Variants in PIK3CD observed in about 807,000 individuals in gnomAD.
PIK3CD encodes phosphatidylinositol-4,5-bisphosphate 3-kinase catalytic subunit delta, also known as phosphatidylinositol 4,5-bisphosphate 3-kinase catalytic subunit delta isoform.
A neutral mutation model predicts 122.9 loss-of-function variants in PIK3CD; 20 were observed. That is an observed-to-expected ratio of 0.16 (90% CI 0.11 to 0.24). PIK3CD has a LOEUF of 0.24. Ranked by LOEUF, PIK3CD falls within the 10% of genes least tolerant of loss-of-function variation. The pLI is 1.00. For missense variants in PIK3CD, 787 were observed against 1,406.3 expected (o/e 0.56, Z 7.04); for synonymous variants, 596 against 593.4 (o/e 1.00, Z -0.06).
Position 9,727,360 on chromosome 1 carries a change from C to T in PIK3CD, c.*314C>T, listed in dbSNP as rs1649821514. On this transcript the variant is annotated 3_prime_UTR_variant, in exon 24 of 24. Coordinates refer to ENST00000377346, the MANE Select transcript of PIK3CD (RefSeq NM_005026.5). The stretch of plus-strand genomic sequence containing the variant: ...GGCCCAGCAAAGACTGTTCTCCTCC[C>T]GAGGGAACCTTCTTCCCAGGCCTCC... 2.8e-5 allele frequency: 13 copies of T among 459,890 alleles called. 1 individual carries two copies. Among genetic ancestry groups the T allele is most frequent in the South Asian group, 2.1e-4 (10 of 47,346 alleles). 28.5% of individuals were successfully genotyped at this position (459,890 alleles called of 1,614,324 possible).
At chr1:9,632,787 C>T in the PIK3CD span, among the ~76,000 whole-genome samples, 1 of 151,958 alleles carries the variant, frequency 6.6e-6, no homozygotes, top group Non-Finnish European at 1.5e-5. Flanking sequence ...TCTAGAGCCT[C>T]TCAGACCCAC....
intron 16 of PIK3CD, 22 bp downstream of exon 16, chr1:9,721,882 G>A (rs1292182816): frequency 3.7e-6 from 6 of 1,612,200 alleles, no homozygotes; most frequent in Non-Finnish European, 5.1e-6. Context: ...GGCCCTGGGG[G>A]GCGGGCAGGG....
At chr1:9,671,124 A>G (rs1570130290) in intron 1 of PIK3CD, among the ~76,000 whole-genome samples, 1 of 140,632 alleles carries the variant, frequency 7.1e-6, no homozygotes, top group Non-Finnish European at 1.6e-5. Flanking sequence ...TTTTGAGATA[A>G]AGTCTCACTC....
intron 2 of PIK3CD, among the ~76,000 whole-genome samples, chr1:9,703,984 A>T (rs1270928796): frequency 6.6e-6 from 1 of 152,170 alleles, no homozygotes; most frequent in Non-Finnish European, 1.5e-5. Context: ...TTCTTGGGGC[A>T]TTTCTGAAGT....
Position 9,724,725 on chromosome 1 carries a change from G to A in PIK3CD, c.2865-79G>A. The A allele has an allele frequency of 6.4e-6, 10 of 1,573,636 alleles. No individual in the cohort carries two copies. Among genetic ancestry groups the A allele is most frequent in the Non-Finnish European group, 7.9e-6 (9 of 1,145,658 alleles). On this transcript the variant is annotated intron_variant, in intron 22 of 23. Transcript: ENST00000377346. This position sits in a 1 kb window ranked among gnomAD's most constrained non-coding sequence, Gnocchi z 7.3. ...AAGGGCAGGTGTCCTTGGGGAAGGG[G>A]CTGGTTGGATGCAGAGCGGCCCTCT...
intron 3 of PIK3CD, among the ~76,000 whole-genome samples, chr1:9,712,628 C>T (rs924431112): frequency 3.3e-5 from 5 of 152,150 alleles, no homozygotes; most frequent in Admixed American, 6.6e-5. Context: ...GGAAAAAATA[C>T]GAAAGAAGTA....
chr1:9,726,466 G>A (rs374478974), intron 23 of PIK3CD, among the ~76,000 whole-genome samples: 3 of 152,304 alleles, frequency 2.0e-5, no homozygotes, highest in African/African-American at 7.2e-5. Flanking sequence ...CCGAGATCAT[G>A]CCCCTGCACT....
intron 1 of PIK3CD, among the ~76,000 whole-genome samples, chr1:9,655,395 G>A (rs1243237949): frequency 6.6e-6 from 1 of 151,804 alleles, no homozygotes; most frequent in Admixed American, 6.6e-5. Context: ...AATCATAGCA[G>A]AAATGCTGCC....
chr1:9,672,594 T>A (rs1451372657), intron 1 of PIK3CD: 2 of 152,128 alleles, frequency 1.3e-5, no homozygotes, highest in Non-Finnish European at 2.9e-5. Context: ...CAGCTAATTT[T>A]TTTCATTTTC....
At chr1:9,670,995 T>C (rs1645305024) in intron 1 of PIK3CD, among the ~76,000 whole-genome samples, 3 of 152,088 alleles carry the variant, frequency 2.0e-5, no homozygotes, top group Admixed American at 2.0e-4. Context: ...TTACCTCAAG[T>C]GATCTGCCCG....
chr1:9,627,973 C>T, the PIK3CD span, among the ~76,000 whole-genome samples: 1 of 152,192 alleles, frequency 6.6e-6, no homozygotes, highest in Non-Finnish European at 1.5e-5. Context: ...CCGCAGGAGC[C>T]AGGGGGTTGA....
At chr1:9,636,410 T>C in the PIK3CD span, among the ~76,000 whole-genome samples, 5 of 152,304 alleles carry the variant, frequency 3.3e-5, no homozygotes, top group East Asian at 7.7e-4. Context: ...GCCAGGCTGG[T>C]CTTGAACTCC....
In PIK3CD at chr1:9,700,723, G is replaced by A. The variant is rs972442028; in HGVS notation, c.-33+9152G>A. 7.2e-5 allele frequency among the ~76,000 whole-genome samples: 11 copies of A among 152,200 alleles called. No homozygotes were observed. Among genetic ancestry groups the A allele is most frequent in the East Asian group, 3.9e-4 (2 of 5,174 alleles). The stretch of plus-strand genomic sequence containing the variant: ...GGAGTTTGCCCCTGGCGGTCTTTAC[G>A]TGGCTATTCATTAAGCAGCTGAGAT... On this transcript the variant is annotated intron_variant, in intron 2 of 23. Coordinates refer to ENST00000377346, the MANE Select transcript of PIK3CD (RefSeq NM_005026.5). This position sits in a 1 kb window ranked among gnomAD's most constrained non-coding sequence, Gnocchi z 5.1.
At chr1:9,713,353 GCAAA>G (rs1161466527) in intron 3 of PIK3CD, among the ~76,000 whole-genome samples, 1 of 151,778 alleles carries the variant, frequency 6.6e-6, no homozygotes, top group Admixed American at 6.6e-5. Flanking sequence ...AAATAAACAA[GCAAA>G]CAAACAGACA....
chr1:9,717,146 C>CT lies in PIK3CD; in HGVS notation c.930+40dup. 1 of 1,612,666 alleles carries CT rather than the reference C, an allele frequency of 6.2e-7. No homozygotes were observed. Among genetic ancestry groups the CT allele is most frequent in the Non-Finnish European group, 8.5e-7 (1 of 1,179,220 alleles). ...CTTCCGCCTCCCCTCTGAGCCACCC[C>CT]TTCTTTCCACCTGGCGTCCAACTCC... On this transcript the variant is annotated intron_variant, in intron 7 of 23. Transcript: ENST00000377346. The surrounding 1 kb of genome is among the most constrained non-coding windows in gnomAD (Gnocchi z 5.4).
chr1:9,725,448 G>A (rs531675446), intron 23 of PIK3CD, among the ~76,000 whole-genome samples: 10 of 152,168 alleles, frequency 6.6e-5, no homozygotes, highest in Middle Eastern at 3.4e-3. Flanking sequence ...AGCTACTTTC[G>A]GGAGGCTGAG....
chr1:9,651,780 G>A lies in PIK3CD; in HGVS notation c.-160G>A, dbSNP rs1392765537. The A allele has an allele frequency of 1.3e-5, 2 of 151,908 alleles. No homozygotes were observed. Among genetic ancestry groups the A allele is most frequent in the Admixed American group, 6.6e-5 (1 of 15,260 alleles). 9.4% of individuals were successfully genotyped at this position (151,908 alleles called of 1,614,324 possible). A position where few individuals can be genotyped will look rare whatever the true frequency, so the allele number is the denominator to read the frequency against. The stretch of plus-strand genomic sequence containing the variant: ...GAGCGGCCGCGAGCAGAGCCGCCCA[G>A]CCCTGCCAGCTGCGCCGGGACGGTA... On this transcript the variant is annotated 5_prime_UTR_variant, in exon 1 of 24. Coordinates refer to ENST00000377346, the MANE Select transcript of PIK3CD (RefSeq NM_005026.5).
intron 1 of PIK3CD, among the ~76,000 whole-genome samples, chr1:9,671,428 C>G (rs1645323700): frequency 6.6e-6 from 1 of 152,116 alleles, no homozygotes; most frequent in African/African-American, 2.4e-5. Context: ...CTCCTGAGCA[C>G]AAATGATCCT....
intron 1 of PIK3CD, among the ~76,000 whole-genome samples, chr1:9,666,367 G>C (rs1464632611): frequency 1.4e-5 from 2 of 146,166 alleles, no homozygotes; most frequent in Non-Finnish European, 3.0e-5. Context: ...TCAGCCTCTT[G>C]AGTGGCAGGG....
Sources: gnomAD v4.1 joint callset for allele counts (sites outside exome capture counted in the v4.1 genomes callset) on GRCh38, gnomAD v4.1.1 for gene constraint, Gnocchi (gnomAD v3.1) non-coding constraint, MANE v1.5 for transcripts, NCBI Gene and HGNC (gene_info 2026-07-23, HGNC 2026-07-21) for gene names.